The following CASP2 variants were observed in gnomAD, a reference collection of about 807,000 sequenced individuals.
The protein encoded by CASP2 is caspase-2.
A neutral mutation model predicts 54.4 loss-of-function variants in CASP2; 38 were observed. The ratio of observed to expected loss-of-function variants is 0.70; its 90% CI spans 0.54 to 0.92. The LOEUF is 0.92. Ranked by LOEUF, CASP2 falls within the 40% of genes least tolerant of loss-of-function variation. The pLI, the probability that CASP2 is intolerant of heterozygous loss-of-function variation, is 0.00. For missense variants in CASP2, 512 were observed against 579.6 expected (o/e 0.88, Z 1.20); for synonymous variants, 215 against 216.3 (o/e 0.99, Z 0.05).
Position 143,304,732 on chromosome 7 carries a change from A to G in CASP2, c.1176A>G (p.Gln392=). ...CCTGGTACATCGAGGCTCTTGCTCA[A>G]GTGTTTTCTGAGCGGGCTTGTGATA... ...RGSWYIEALA[Q]VFSERACDMH... is the part of the protein sequence containing the mutation. The change falls in exon 10 of 11, where the codon CAA becomes CAG. Residue 392 remains glutamine, a synonymous_variant. Coordinates refer to ENST00000310447, the MANE Select transcript of CASP2 (RefSeq NM_032982.4). 1.2e-6 allele frequency: 2 copies of G among 1,614,166 alleles called. No individual in the cohort carries two copies. The highest frequency in any genetic ancestry group is 1.7e-6 in the Non-Finnish European group (2 of 1,180,028).
rs1006776498 is a variant in CASP2 at position 143,305,251 on chromosome 7, C to A, written c.*180C>A. On this transcript the variant is annotated 3_prime_UTR_variant, in exon 11 of 11. Coordinates refer to ENST00000310447, the MANE Select transcript of CASP2 (RefSeq NM_032982.4). ...TGAGTGTGGGACTCCAGGCCAGCTC[C>A]TTTTCTGTGAAGCCCTTTGCCTGTA... is the stretch of plus-strand genomic sequence containing the variant. 27 of 776,908 alleles carry A rather than the reference C, an allele frequency of 3.5e-5. No homozygotes were observed. The Admixed American group carries it at 5.6e-4, about 16-fold the overall frequency. The allele number at this position is 776,908 out of a possible 1,614,324, so 48.1% of individuals were successfully genotyped here. A position where few individuals can be genotyped will look rare whatever the true frequency, so the allele number is the denominator to read the frequency against.
chr7:143,291,571 C>T lies in CASP2; in HGVS notation c.106C>T (p.His36Tyr), dbSNP rs753301785. The T allele has an allele frequency of 1.1e-5, 18 of 1,614,004 alleles. No individual in the cohort carries two copies. The highest frequency in any genetic ancestry group is 3.4e-6 in the Non-Finnish European group (4 of 1,179,966). Reference sequence around the variant, plus strand: ...GGGAGTGTGTGGCATGCATCCTCATCATCAGGAAACTCTAAAAAAGAACCG... The same window carrying T: ...GGGAGTGTGTGGCATGCATCCTCATTATCAGGAAACTCTAAAAAAGAACCG... ...ILGVCGMHPH[H>Y]QETLKKNRVV... The change falls in exon 2 of 11, where the codon CAT (histidine) becomes TAT (tyrosine). Residue 36 changes from histidine to tyrosine, a missense_variant. Transcript: ENST00000310447.
intron 2 of CASP2, 90 bp downstream of exon 2, chr7:143,291,780 C>CCT: frequency 2.4e-6 from 1 of 422,922 alleles, no homozygotes; most frequent in East Asian, 4.4e-5. Flanking sequence ...ATCTTTCTTC[C>CCT]TTTTTTTTTT....
At chr7:143,293,242 C>G (rs1191848555) in intron 4 of CASP2, 1 of 537,044 alleles carries the variant, frequency 1.9e-6, no homozygotes, top group Non-Finnish European at 3.3e-6. Flanking sequence ...CTCCTCCTGC[C>G]TCAGCCTCCC....
At chr7:143,293,085 G>C in intron 4 of CASP2, 1 of 632,360 alleles carries the variant, frequency 1.6e-6, no homozygotes, top group Non-Finnish European at 2.8e-6. Context: ...CTGGTATCTG[G>C]CTTTGTCCTA....
intron 1 of CASP2, among the ~76,000 whole-genome samples, chr7:143,290,055 CTTTTTTTTTT>C (rs35440867): frequency 2.6e-5 from 3 of 114,522 alleles, no homozygotes; most frequent in South Asian, 2.8e-4. Context: ...TTTTCCCTCC[CTTTTTTTTTT>C]TTTTTTTTTT....
At chr7:143,300,999 C>A in intron 8 of CASP2, 1 of 834,802 alleles carries the variant, frequency 1.2e-6, no homozygotes, top group Non-Finnish European at 1.5e-6. Flanking sequence ...CTGACTTCAC[C>A]ATTTACTAGT....
intron 4 of CASP2, chr7:143,293,218 C>T (rs1483830013): frequency 3.4e-6 from 2 of 587,032 alleles, no homozygotes; most frequent in Non-Finnish European, 3.0e-6. Context: ...GCGTTGAACT[C>T]CTGGGTTGAA....
Position 143,299,921 on chromosome 7 carries a change from A to G in CASP2, c.748-2A>G. 1 of 1,614,192 alleles carries G rather than the reference A, an allele frequency of 6.2e-7. No homozygotes were observed. The highest frequency in any genetic ancestry group is 8.5e-7 in the Non-Finnish European group (1 of 1,180,024). On this transcript the variant is annotated splice_acceptor_variant, in intron 6 of 10. Coordinates refer to ENST00000310447, the MANE Select transcript of CASP2 (RefSeq NM_032982.4). LOFTEE classifies it high-confidence loss of function. ...ACAACACTAAACATTCCTTTCTTTT[A>G]GGAAATGCAAGAGAAACTGCAGAAT...
chr7:143,291,593 A>G lies in CASP2; in HGVS notation c.128A>G (p.Asn43Ser). The G allele has an allele frequency of 6.2e-7, 1 of 1,614,072 alleles. No homozygotes were observed. The highest frequency in any genetic ancestry group is 8.5e-7 in the Non-Finnish European group (1 of 1,179,974). Residue 43 changes from asparagine (N) to serine (S), a missense_variant, in exon 2 of 11, where the codon AAC becomes AGC. Around this residue, in one of 3 missense-constraint regions of CASP2, gnomAD observed 89 missense variants for 67.1 expected, o/e 1.33. Coordinates refer to ENST00000310447, the MANE Select transcript of CASP2 (RefSeq NM_032982.4). ...HPHHQETLKK[N>S]RVVLAKQLLL... Reference sequence around the variant, plus strand: ...CATCATCAGGAAACTCTAAAAAAGAACCGAGTGGTGCTAGCCAAACAGCTG... The same window carrying G: ...CATCATCAGGAAACTCTAAAAAAGAGCCGAGTGGTGCTAGCCAAACAGCTG...
chr7:143,296,807 A>G (rs1477341359), intron 6 of CASP2, among the ~76,000 whole-genome samples: 3 of 152,160 alleles, frequency 2.0e-5, no homozygotes, highest in Admixed American at 2.0e-4. Context: ...CCATTTAAAA[A>G]CAGGAAATAG....
chr7:143,293,116 T>TTG, intron 4 of CASP2: 2 of 335,438 alleles, frequency 6.0e-6, no homozygotes, highest in Non-Finnish European at 5.2e-6. Context: ...TTTTTTTTGT[T>TTG]TTTTTTTTTT....
Position 143,307,546 on chromosome 7 carries a change from T to C in CASP2, c.*2475T>C, listed in dbSNP as rs914911732. The C allele has an allele frequency of 6.6e-6, 1 of 152,178 alleles. No individual in the cohort carries two copies. Among genetic ancestry groups the C allele is most frequent in the Non-Finnish European group, 1.5e-5 (1 of 68,032 alleles). The allele number at this position is 152,178 out of a possible 1,614,324, so 9.4% of individuals were successfully genotyped here. ...TAGTAGTCAAGGTGCTCAATAAATA[T>C]TTGTTTGGGTGGTTTGTGAGCCTTG... On this transcript the variant is annotated 3_prime_UTR_variant, in exon 11 of 11. Coordinates refer to ENST00000310447, the MANE Select transcript of CASP2 (RefSeq NM_032982.4).
chr7:143,300,256 A>G lies in CASP2; in HGVS notation c.929A>G (p.Asn310Ser), dbSNP rs1242238184. 3 of 1,614,172 alleles carry G rather than the reference A, an allele frequency of 1.9e-6. No individual in the cohort carries two copies. Among genetic ancestry groups the G allele is most frequent in the South Asian group, 1.1e-5 (1 of 91,090 alleles). The change falls in exon 8 of 11, where the codon AAC becomes AGC. Residue 310 changes from asparagine (N) to serine (S), a missense_variant. Physicochemically the swap from Asn to Ser is conservative, Grantham distance 46. Transcript: ENST00000310447. ...FDNANCPSLQ[N>S]KPKMFFIQAC... ...AACGCCAACTGCCCAAGCCTACAGA[A>G]CAAACCAAAAATGTTCTTCATCCAG...
rs1269350002 is a variant in CASP2, at chr7:143,307,268, A to C, written c.*2197A>C. 6.6e-6 allele frequency: 1 copy of C among 152,238 alleles called. No individual in the cohort carries two copies. Among genetic ancestry groups the C allele is most frequent in the Non-Finnish European group, 1.5e-5 (1 of 68,048 alleles). The allele number at this position is 152,238 out of a possible 1,614,324, so 9.4% of individuals were successfully genotyped here. On this transcript the variant is annotated 3_prime_UTR_variant, in exon 11 of 11. Transcript: ENST00000310447. ...TTGTTTTATTCACCATCATGTACCA[A>C]GTGCTTGGCACATAGTGGGCCTTCA...
intron 4 of CASP2, chr7:143,293,214 A>T: frequency 3.3e-6 from 2 of 604,960 alleles, no homozygotes. Flanking sequence ...TGCAGCGTTG[A>T]ACTCCTGGGT....
intron 2 of CASP2, among the ~76,000 whole-genome samples, 155 bp from the exon 3 acceptor site, chr7:143,292,145 A>G (rs958696490): frequency 6.6e-6 from 1 of 152,228 alleles, no homozygotes; most frequent in Non-Finnish European, 1.5e-5. Context: ...GAAATGATAT[A>G]TAACTCAAGA....
At chr7:143,295,897 C>T (rs982552170) in intron 6 of CASP2, among the ~76,000 whole-genome samples, 5 of 152,194 alleles carry the variant, frequency 3.3e-5, no homozygotes, top group African/African-American at 9.7e-5. Flanking sequence ...ATATGCTTTC[C>T]TGAGAAGTCT....
chr7:143,300,262 C>T lies in CASP2; in HGVS notation c.935C>T (p.Pro312Leu), dbSNP rs377218240. ...AACTGCCCAAGCCTACAGAACAAAC[C>T]AAAAATGTTCTTCATCCAGGCCTGC... ...NANCPSLQNK[P>L]KMFFIQACRG... Residue 312 changes from proline to leucine, a missense_variant, in exon 8 of 11, where the codon CCA (proline) becomes CTA (leucine). Around this residue, in one of 3 missense-constraint regions of CASP2, gnomAD observed 417 missense variants for 495.4 expected, o/e 0.84. Transcript: ENST00000310447. The T allele has an allele frequency of 6.2e-7, 1 of 1,613,988 alleles. No individual in the cohort carries two copies. The highest frequency in any genetic ancestry group is 1.3e-5 in the African/African-American group (1 of 74,928).
Sources: allele counts gnomAD v4.1 joint callset (sites outside exome capture counted in the v4.1 genomes callset), GRCh38; gene constraint gnomAD v4.1.1; regional missense constraint gnomAD v4.1.1; transcripts MANE v1.5; gene names NCBI Gene and HGNC (gene_info 2026-07-23, HGNC 2026-07-21).